ACVR1: variants seen among roughly 807,000 people sequenced by gnomAD.
ACVR1 encodes activin receptor type-1.
ACVR1 carries 38 observed loss-of-function variants against 57.1 expected under a neutral mutation model. The ratio of observed to expected loss-of-function variants is 0.67; its 90% CI spans 0.51 to 0.87. The LOEUF is 0.87. Among genes scored for constraint, ACVR1 ranks in the 40% least tolerant of loss-of-function variants. ACVR1 has a pLI of 0.00. For synonymous variants in ACVR1, 212 were observed against 228.1 expected, an observed-to-expected ratio of 0.93 and a Z score of 0.63; for missense variants, 463 against 638.2, an observed-to-expected ratio of 0.73 and a Z score of 2.96.
rs1015922124 is a variant in ACVR1 at position 157,818,514 on chromosome 2, C to T, written c.-137G>A. 1.3e-5 allele frequency: 2 copies of T among 152,198 alleles called. No homozygotes were observed. The highest frequency in any genetic ancestry group is 4.8e-5 in the African/African-American group (2 of 41,426). The allele number at this position is 152,198 out of a possible 1,614,324, so 9.4% of individuals were successfully genotyped here. A position where few individuals can be genotyped will look rare whatever the true frequency, so the allele number is the denominator to read the frequency against. On this transcript the variant is annotated 5_prime_UTR_variant, in exon 2 of 11. Transcript: ENST00000434821. ...AGGCGTTCCTGGGATTATGAGTTCTCCAGCAGCTCTCACTTTGGCAGTGTG... is the reference window on the plus strand; with the variant it reads ...AGGCGTTCCTGGGATTATGAGTTCTTCAGCAGCTCTCACTTTGGCAGTGTG...
At chr2:157,854,943 G>A (rs1340015521) in intron 1 of ACVR1, among the ~76,000 whole-genome samples, 1 of 151,546 alleles carries the variant, frequency 6.6e-6, no homozygotes. Flanking sequence ...GGAGGCTGAG[G>A]CAGAAGAATC....
chr2:157,799,458 G>T lies in ACVR1; in HGVS notation c.36C>A (p.Ile12=). The T allele has an allele frequency of 1.2e-6, 2 of 1,612,118 alleles. No homozygotes were observed. The highest frequency in any genetic ancestry group is 1.7e-6 in the Non-Finnish European group (2 of 1,178,754). Residue 12 remains isoleucine, a synonymous_variant, in exon 3 of 11, where the codon ATC becomes ATA. Coordinates refer to ENST00000434821, the MANE Select transcript of ACVR1 (RefSeq NM_001111067.4). ...VDGVMILPVL[I]MIALPSPSME... The stretch of plus-strand genomic sequence containing the variant: ...TACTAGGGGAGGGGAGAGCAATCAT[G>T]ATAAGCACAGGAAGAATCATCACTC...
At chr2:157,817,177 G>C (rs760760525) in intron 2 of ACVR1, among the ~76,000 whole-genome samples, 1 of 151,916 alleles carries the variant, frequency 6.6e-6, no homozygotes, top group African/African-American at 2.4e-5. Flanking sequence ...TTTCCAGGCT[G>C]GTCTCAAACT....
chr2:157,814,316 C>T (rs1372534523), intron 2 of ACVR1, among the ~76,000 whole-genome samples: 2 of 152,060 alleles, frequency 1.3e-5, no homozygotes, highest in Admixed American at 6.6e-5. Context: ...AAATAGACAA[C>T]GAACACAAGC....
At chr2:157,855,319 T>TAC (rs775743957) in intron 1 of ACVR1, among the ~76,000 whole-genome samples, 29,664 of 98,498 alleles carry the variant, frequency 0.3, 6,447 homozygotes, top group Admixed American at 0.42. Context: ...TATATATATA[T>TAC]ATATACACAC....
chr2:157,873,290 T>C (rs1690171120), intron 1 of ACVR1, among the ~76,000 whole-genome samples: 1 of 152,198 alleles, frequency 6.6e-6, no homozygotes, highest in African/African-American at 2.4e-5. Context: ...CTCAATTTCT[T>C]ATTGTAGGAC....
At chr2:157,747,677 G>C (rs1373011867) in intron 9 of ACVR1, among the ~76,000 whole-genome samples, 1 of 152,012 alleles carries the variant, frequency 6.6e-6, no homozygotes, top group African/African-American at 2.4e-5. Context: ...ATAATTAAAA[G>C]ACTAACAGTA....
chr2:157,838,533 T>C (rs753967879), intron 1 of ACVR1, among the ~76,000 whole-genome samples: 2 of 152,172 alleles, frequency 1.3e-5, no homozygotes, highest in Non-Finnish European at 2.9e-5. Context: ...ACATCCCCAG[T>C]GTACAAACTA....
chr2:157,829,982 G>T (rs1432366059), intron 1 of ACVR1, among the ~76,000 whole-genome samples: 2 of 152,200 alleles, frequency 1.3e-5, no homozygotes, highest in Admixed American at 1.3e-4. Flanking sequence ...TGTCTGGGAA[G>T]CCAAGGCAGG....
rs1306743238 is a variant in ACVR1 at position 157,784,791 on chromosome 2, T to C, written c.68-4191A>G. ...TTAAAAAGATTTTTCCTGCTCTGTA[T>C]GATCCTCAGTTCACCACCTGGGCAC... On this transcript the variant is annotated intron_variant, in intron 3 of 10. Coordinates refer to ENST00000434821, the MANE Select transcript of ACVR1 (RefSeq NM_001111067.4). 3.3e-5 allele frequency among the ~76,000 whole-genome samples: 5 copies of C among 152,262 alleles called. No homozygotes were observed. The South Asian group carries it at 8.3e-4, about 25-fold the overall frequency.
intron 1 of ACVR1, among the ~76,000 whole-genome samples, chr2:157,849,984 G>A (rs569458966): frequency 2.2e-4 from 33 of 152,328 alleles, no homozygotes; most frequent in South Asian, 1.4e-3. Context: ...TAAAAGATGC[G>A]ATTGAAAAAG....
chr2:157,830,247 T>C (rs1688536046), intron 1 of ACVR1, among the ~76,000 whole-genome samples: 1 of 152,024 alleles, frequency 6.6e-6, no homozygotes, highest in East Asian at 1.9e-4. Context: ...AGGCCCTTCA[T>C]AAATGTTGAT....
rs1321405252 is a variant in ACVR1, at chr2:157,780,537, T to C, written c.131A>G (p.Asn44Ser). 1 of 1,613,806 alleles carries C rather than the reference T, an allele frequency of 6.2e-7. No individual in the cohort carries two copies. Among genetic ancestry groups the C allele is most frequent in the South Asian group, 1.1e-5 (1 of 91,070 alleles). ...MCVCEGLSCG[N>S]EDHCEGQQCF... ...CTGCTGGCCTTCACAGTGGTCCTCA[T>C]TACCGCAGGAGAGACCTTCACACAC... is the stretch of plus-strand genomic sequence containing the variant. The change falls in exon 4 of 11, where the codon AAT (asparagine) becomes AGT (serine). Residue 44 changes from asparagine to serine, a missense_variant. Physicochemically the swap from Asn to Ser is conservative, Grantham distance 46. Around this residue, in one of 3 missense-constraint regions of ACVR1, gnomAD observed 203 missense variants for 235.5 expected, o/e 0.86. Coordinates refer to ENST00000434821, the MANE Select transcript of ACVR1 (RefSeq NM_001111067.4).
intron 1 of ACVR1, among the ~76,000 whole-genome samples, chr2:157,856,457 T>C (rs1280058548): frequency 2.0e-5 from 3 of 152,238 alleles, no homozygotes; most frequent in Non-Finnish European, 4.4e-5. Context: ...GGAAAGATCA[T>C]TACAAAAAAT....
chr2:157,799,269 T>C (rs1687236404), intron 3 of ACVR1, among the ~76,000 whole-genome samples, 158 bp downstream of exon 3: 1 of 152,104 alleles, frequency 6.6e-6, no homozygotes, highest in Admixed American at 6.6e-5. Context: ...TCAGATATAA[T>C]GTATATAAGA....
chr2:157,737,354 T>C lies in ACVR1; in HGVS notation c.*177A>G. 1 of 744,214 alleles carries C rather than the reference T, an allele frequency of 1.3e-6. No individual in the cohort carries two copies. Among genetic ancestry groups the C allele is most frequent in the South Asian group, 1.6e-5 (1 of 63,456 alleles). The allele number at this position is 744,214 out of a possible 1,614,324, so 46.1% of individuals were successfully genotyped here. A position where few individuals can be genotyped will look rare whatever the true frequency, so the allele number is the denominator to read the frequency against. On this transcript the variant is annotated 3_prime_UTR_variant, in exon 11 of 11. Transcript: ENST00000434821. ...CCAGTTCACAGTCATCGAGCGAGGT[T>C]AGGGTGGTTTTGATGTCTCCCCAAC...
chr2:157,742,295 T>C (rs907323716), intron 9 of ACVR1, among the ~76,000 whole-genome samples: 2 of 152,040 alleles, frequency 1.3e-5, no homozygotes, highest in African/African-American at 4.8e-5. Flanking sequence ...TTCAGGCAAG[T>C]AACTAAAAAT....
At chr2:157,818,820 T>C (rs1404746684) in intron 1 of ACVR1, among the ~76,000 whole-genome samples, 2 of 152,062 alleles carry the variant, frequency 1.3e-5, no homozygotes, top group Non-Finnish European at 2.9e-5. Flanking sequence ...GGCTCACGCC[T>C]GTAATCCCAG....
intron 2 of ACVR1, among the ~76,000 whole-genome samples, chr2:157,814,023 G>A (rs1225615504): frequency 1.3e-5 from 2 of 152,156 alleles, no homozygotes; most frequent in South Asian, 2.1e-4. Context: ...TGTAACTTCC[G>A]CTGTGGAGCA....
Sources: allele counts gnomAD v4.1 joint callset (sites outside exome capture counted in the v4.1 genomes callset), GRCh38; gene constraint gnomAD v4.1.1; regional missense constraint gnomAD v4.1.1; transcripts MANE v1.5; gene names NCBI Gene and HGNC (gene_info 2026-07-23, HGNC 2026-07-21).